NTM: variants seen among roughly 807,000 people sequenced by gnomAD.
The protein encoded by NTM is IgLON family member 2.
Under a neutral mutation model 42.1 loss-of-function variants are expected in NTM, and 13 were observed. That is an observed-to-expected ratio of 0.31 (90% CI 0.20 to 0.49). The LOEUF (loss-of-function observed/expected upper bound fraction) is 0.49, where lower values mean the gene tolerates loss of function less well. NTM is among the 20% of genes least tolerant of loss of function. NTM has a pLI of 0.99. For missense variants in NTM, 373 were observed against 452.8 expected (o/e 0.82, Z 1.60); for synonymous variants, 187 against 179.2 (o/e 1.04, Z -0.35).
At chr11:131,619,933 T>C (rs1006051357) in intron 1 of NTM, among the ~76,000 whole-genome samples, 1 of 151,792 alleles carries the variant, frequency 6.6e-6, no homozygotes, top group Non-Finnish European at 1.5e-5. Context: ...GCCTCCTGAG[T>C]AGCTGGGATT....
rs1277026195 is a variant in NTM, at chr11:131,789,506, G to GA, written c.83-122056dup. ...GAAGAAGAAGAGGAAAGAAGAAGAA[G>GA]AAGAAGAAGAAGAAGAAGAAGAAGA... On this transcript the variant is annotated intron_variant, in intron 1 of 8. Coordinates refer to ENST00000683400, the MANE Select transcript of NTM (RefSeq NM_001352005.2). Among the ~76,000 whole-genome samples, 2 of 9,794 alleles carry GA rather than the reference G, an allele frequency of 2.0e-4. 1 individual carries two copies. The highest frequency in any genetic ancestry group is 3.9e-4 in the Non-Finnish European group (2 of 5,080). The allele number at this position is 9,794 out of a possible 152,430, so 6.4% of individuals were successfully genotyped here.
chr11:132,135,098 A>G (rs2067635339), intron 2 of NTM, among the ~76,000 whole-genome samples: 1 of 152,078 alleles, frequency 6.6e-6, no homozygotes, highest in Non-Finnish European at 1.5e-5. Flanking sequence ...GCCTGGCTGG[A>G]TTGTGTCCCC....
intron 1 of NTM, among the ~76,000 whole-genome samples, chr11:131,446,289 G>A (rs922728090): frequency 6.6e-6 from 1 of 152,122 alleles, no homozygotes; most frequent in Admixed American, 6.5e-5. Flanking sequence ...GAACTTCCCA[G>A]GCCCGGCTCA....
At chr11:131,581,913 A>G (rs1006732398) in intron 1 of NTM, 1 of 152,160 alleles carries the variant, frequency 6.6e-6, no homozygotes, top group Non-Finnish European at 1.5e-5. Flanking sequence ...CCTCTTCTCA[A>G]GGGAAACAAA....
intron 1 of NTM, among the ~76,000 whole-genome samples, chr11:131,705,615 T>A (rs1012615859): frequency 6.6e-6 from 1 of 152,074 alleles, no homozygotes; most frequent in South Asian, 2.1e-4. Flanking sequence ...AGTTAAAAGA[T>A]AAAATCATTA....
chr11:132,163,654 T>C (rs962536730), intron 3 of NTM, among the ~76,000 whole-genome samples: 2 of 152,174 alleles, frequency 1.3e-5, no homozygotes, highest in Non-Finnish European at 2.9e-5. Context: ...AACACTAAGC[T>C]TCCCCTTATG....
Position 131,886,769 on chromosome 11 carries a change from T to C in NTM, c.83-24795T>C, listed in dbSNP as rs561719347. On this transcript the variant is annotated intron_variant, in intron 1 of 8. Coordinates refer to ENST00000683400, the MANE Select transcript of NTM (RefSeq NM_001352005.2). ...TGACAGAGCCAAGCTTTGCTAACGA[T>C]GTTTCTGTGCTTTTTAGCAGGGAGG... Among the ~76,000 whole-genome samples the C allele has an allele frequency of 2.0e-5, 3 of 152,244 alleles. No individual in the cohort carries two copies. The East Asian group carries it at 5.8e-4, about 29-fold the overall frequency.
At chr11:131,787,579 T>C (rs1204621870) in intron 1 of NTM, among the ~76,000 whole-genome samples, 1 of 151,974 alleles carries the variant, frequency 6.6e-6, no homozygotes, top group African/African-American at 2.4e-5. Flanking sequence ...ACAGACGGGG[T>C]TTCACCATGT....
chr11:131,832,011 A>G (rs1041273021), intron 1 of NTM, among the ~76,000 whole-genome samples: 3 of 149,476 alleles, frequency 2.0e-5, no homozygotes, highest in South Asian at 2.1e-4. Flanking sequence ...GTGAAATAAT[A>G]AAATCAATAT....
At chr11:132,137,420 G>A (rs924663633) in intron 2 of NTM, among the ~76,000 whole-genome samples, 2 of 152,196 alleles carry the variant, frequency 1.3e-5, no homozygotes, top group African/African-American at 2.4e-5. Flanking sequence ...CTTTGAGCTG[G>A]CCTTTGCAGA....
rs150161654 is a variant in NTM, at chr11:132,315,959, G to A, written c.934+1256G>A. Among the ~76,000 whole-genome samples the A allele has an allele frequency of 7.6e-3, 1,161 of 152,060 alleles. 14 individuals are homozygous for A. The highest frequency in any genetic ancestry group is 0.023 in the African/African-American group (953 of 41,410). ...ATGCCTTTTTGCCTTTTTGGCAGGC[G>A]TCTGTCTGCATGAACAGAGACCAGG... On this transcript the variant is annotated intron_variant, in intron 7 of 8. Transcript: ENST00000683400.
chr11:131,797,634 G>A (rs903366555), intron 1 of NTM, among the ~76,000 whole-genome samples: 4 of 152,148 alleles, frequency 2.6e-5, no homozygotes, highest in Admixed American at 2.6e-4. Context: ...TATGGTAATG[G>A]TAATGTGTAT....
intron 4 of NTM, among the ~76,000 whole-genome samples, chr11:132,287,179 C>CTA (rs2094276379): frequency 6.6e-6 from 1 of 152,154 alleles, no homozygotes; most frequent in Admixed American, 6.5e-5. Context: ...TAGGCAAGGC[C>CTA]AGTTTCAGTC....
intron 4 of NTM, among the ~76,000 whole-genome samples, chr11:132,213,496 C>G (rs867919716): frequency 6.6e-6 from 1 of 152,134 alleles, no homozygotes; most frequent in Non-Finnish European, 1.5e-5. Flanking sequence ...CGAGGGCTAT[C>G]CACCAGCAGC....
chr11:131,559,753 C>T (rs2055976060), intron 1 of NTM, among the ~76,000 whole-genome samples: 1 of 152,212 alleles, frequency 6.6e-6, no homozygotes, highest in South Asian at 2.1e-4. Context: ...TCCAAAGTGG[C>T]TGCTTCAGCA....
intron 1 of NTM, among the ~76,000 whole-genome samples, chr11:131,432,254 G>A (rs994810277): frequency 1.3e-5 from 2 of 152,100 alleles, no homozygotes; most frequent in African/African-American, 2.4e-5. Context: ...TTTATTCCCC[G>A]CCAGTCCGTG....
At chr11:131,565,308 C>T (rs939988274) in intron 1 of NTM, among the ~76,000 whole-genome samples, 1 of 152,226 alleles carries the variant, frequency 6.6e-6, no homozygotes, top group Admixed American at 6.5e-5. Context: ...CCATGCTTGT[C>T]TCTCTGCCTG....
chr11:131,789,590 A>G (rs1163218900), intron 1 of NTM, among the ~76,000 whole-genome samples: 11 of 62,534 alleles, frequency 1.8e-4, no homozygotes, highest in African/African-American at 6.3e-4. Flanking sequence ...GAAGAAGAAG[A>G]AGAAGAAGAA....
At position 131,851,532 on chromosome 11, in the gene NTM, C is replaced by CGTGTGTGT. The variant is rs71067340; in HGVS notation, c.83-60002_83-59995dup. 6.9e-3 allele frequency among the ~76,000 whole-genome samples: 1,017 copies of CGTGTGTGT among 146,754 alleles called. 9 individuals carry two copies. Among genetic ancestry groups the CGTGTGTGT allele is most frequent in the South Asian group, 0.02 (89 of 4,470 alleles). ...ACATCACATGCCCTGGTGAGAATGG[C>CGTGTGTGT]GTGTGTGTGTGTGTGTGTGTGTGTG... On this transcript the variant is annotated intron_variant, in intron 1 of 8. Coordinates refer to ENST00000683400, the MANE Select transcript of NTM (RefSeq NM_001352005.2).
Sources: allele counts gnomAD v4.1 joint callset (sites outside exome capture counted in the v4.1 genomes callset), GRCh38; gene constraint gnomAD v4.1.1; transcripts MANE v1.5; gene names NCBI Gene and HGNC (gene_info 2026-07-23, HGNC 2026-07-21).